MACO1: variants seen among roughly 807,000 people sequenced by gnomAD.
The protein encoded by MACO1 is macoilin.
A neutral mutation model predicts 78.7 loss-of-function variants in MACO1; 14 were observed. The observed-to-expected ratio is 0.18, with a 90% CI of 0.12 to 0.28. The LOEUF (loss-of-function observed/expected upper bound fraction) is 0.28, where lower values mean the gene tolerates loss of function less well. Ranked by LOEUF, MACO1 falls within the 10% of genes least tolerant of loss-of-function variation. MACO1 has a pLI of 1.00. For synonymous variants in MACO1, 288 were observed against 291.6 expected, an observed-to-expected ratio of 0.99 and a Z score of 0.12; for missense variants, 501 against 799.0, an observed-to-expected ratio of 0.63 and a Z score of 4.50.
intron 5 of MACO1, 31 bp downstream of exon 5, chr1:25,456,862 A>G (rs1225169713): frequency 1.3e-6 from 2 of 1,556,362 alleles, no homozygotes; most frequent in Non-Finnish European, 1.7e-6. Context: ...TGTTGGCTCA[A>G]TAGGCTAGTC....
intron 1 of MACO1, among the ~76,000 whole-genome samples, chr1:25,441,881 T>C (rs940372865): frequency 6.6e-6 from 1 of 152,236 alleles, no homozygotes; most frequent in African/African-American, 2.4e-5. Flanking sequence ...ACAGTTTGAA[T>C]GTTCCCAGTT....
At chr1:25,469,381 T>G (rs1332937684) in intron 6 of MACO1, among the ~76,000 whole-genome samples, 2 of 152,202 alleles carry the variant, frequency 1.3e-5, no homozygotes, top group African/African-American at 2.4e-5. Context: ...TGCCCTTCAT[T>G]GTACTTTCTA....
At chr1:25,473,269 A>G (rs1238381001) in intron 6 of MACO1, among the ~76,000 whole-genome samples, 1 of 152,204 alleles carries the variant, frequency 6.6e-6, no homozygotes. Context: ...ATTCTGGGAT[A>G]TAAATGTGGT....
chr1:25,446,993 G>A, intron 2 of MACO1, 90 bp downstream of exon 2: 1 of 1,455,636 alleles, frequency 6.9e-7, no homozygotes, highest in Non-Finnish European at 9.1e-7. Flanking sequence ...AACTATGTTA[G>A]GATTAGCTAA....
Position 25,498,777 on chromosome 1 carries a change from G to GAA in MACO1, c.*319_*320dup. The GAA allele has an allele frequency of 7.9e-6, 2 of 254,082 alleles. No individual in the cohort carries two copies. The highest frequency in any genetic ancestry group is 5.2e-5 in the Admixed American group (1 of 19,262). The allele number at this position is 254,082 out of a possible 1,614,324, so 15.7% of individuals were successfully genotyped here. On this transcript the variant is annotated 3_prime_UTR_variant, in exon 11 of 11. Transcript: ENST00000374343. ...TATTCTTACATAGTTTCCTCTTGAA[G>GAA]AAAAAAAAAGCAGAGTTTTTGTTTT...
intron 6 of MACO1, among the ~76,000 whole-genome samples, chr1:25,483,632 CG>C (rs1187148130): frequency 1.3e-5 from 2 of 152,168 alleles, no homozygotes; most frequent in African/African-American, 4.8e-5. Context: ...TTCTGGAGGT[CG>C]TCGCAGACCG....
At chr1:25,438,629 C>T (rs1342470558) in intron 1 of MACO1, among the ~76,000 whole-genome samples, 1 of 152,096 alleles carries the variant, frequency 6.6e-6, no homozygotes, top group African/African-American at 2.4e-5. Flanking sequence ...ATGACTGGGC[C>T]CCGTGGCTCA....
At chr1:25,462,688 C>T (rs2043181942) in intron 6 of MACO1, among the ~76,000 whole-genome samples, 1 of 136,888 alleles carries the variant, frequency 7.3e-6, no homozygotes, top group Non-Finnish European at 1.6e-5. Flanking sequence ...AATTCAGTGA[C>T]TTTTGGGGGG....
chr1:25,477,772 C>T (rs1190315488), intron 6 of MACO1, among the ~76,000 whole-genome samples: 1 of 152,166 alleles, frequency 6.6e-6, no homozygotes. Context: ...GGCTTAAAAC[C>T]ATGAAGTTAT....
At chr1:25,492,473 G>A (rs1433051037) in intron 10 of MACO1, among the ~76,000 whole-genome samples, 1 of 152,074 alleles carries the variant, frequency 6.6e-6, no homozygotes, top group East Asian at 1.9e-4. Context: ...AGAGCTGGAG[G>A]AAAGCACTTC....
intron 10 of MACO1, among the ~76,000 whole-genome samples, chr1:25,491,941 G>T (rs1346175856): frequency 6.6e-6 from 1 of 152,190 alleles, no homozygotes; most frequent in African/African-American, 2.4e-5. Context: ...AACTAGTCTG[G>T]GGAATTGGAG....
chr1:25,450,001 A>G (rs1424918877), intron 3 of MACO1, among the ~76,000 whole-genome samples: 1 of 152,248 alleles, frequency 6.6e-6, no homozygotes, highest in Non-Finnish European at 1.5e-5. Context: ...CCTGGGTGAC[A>G]GAGCGAGACT....
intron 6 of MACO1, among the ~76,000 whole-genome samples, chr1:25,473,394 C>T (rs1031075604): frequency 2.0e-5 from 3 of 151,998 alleles, no homozygotes; most frequent in African/African-American, 4.8e-5. Context: ...GTCTCCATAT[C>T]TAAGAGGCCA....
At chr1:25,496,751 C>A (rs1051131296) in intron 10 of MACO1, among the ~76,000 whole-genome samples, 7 of 150,638 alleles carry the variant, frequency 4.6e-5, no homozygotes, top group Non-Finnish European at 1.5e-5. Flanking sequence ...ACTCATGGTC[C>A]AGCAGAGAGA....
chr1:25,480,068 G>T (rs1209014272), intron 6 of MACO1, among the ~76,000 whole-genome samples: 1 of 151,864 alleles, frequency 6.6e-6, no homozygotes, highest in Non-Finnish European at 1.5e-5. Context: ...ACTGTGACTG[G>T]GTATCAAAAA....
chr1:25,482,407 C>T (rs2043387259), intron 6 of MACO1, among the ~76,000 whole-genome samples: 1 of 152,200 alleles, frequency 6.6e-6, no homozygotes. Flanking sequence ...CTCCACAGTC[C>T]TATCTACCAG....
At chr1:25,432,056 T>C (rs961075559) in intron 1 of MACO1, among the ~76,000 whole-genome samples, 8 of 152,230 alleles carry the variant, frequency 5.3e-5, no homozygotes, top group Admixed American at 4.6e-4. Context: ...ACGACTGTTA[T>C]TTTCTGGTTC....
At position 25,491,591 on chromosome 1, in the gene MACO1, G is replaced by A; in HGVS notation, c.1792+7G>A. On this transcript the variant is annotated splice_region_variant and intron_variant, in intron 10 of 10. Transcript: ENST00000374343. ...CAGCTCGAGATTGCCCAAGGTAGGA[G>A]AACGTGGGCCCCTGGTGAGGTGGTG... The A allele has an allele frequency of 6.2e-7, 1 of 1,613,360 alleles. No homozygotes were observed. The highest frequency in any genetic ancestry group is 8.5e-7 in the Non-Finnish European group (1 of 1,179,366).
chr1:25,475,680 G>A (rs2043316037), intron 6 of MACO1, among the ~76,000 whole-genome samples: 1 of 152,148 alleles, frequency 6.6e-6, no homozygotes, highest in South Asian at 2.1e-4. Flanking sequence ...AGAATGGGGA[G>A]CAGGTTAGTA....
Sources: allele counts gnomAD v4.1 joint callset (sites outside exome capture counted in the v4.1 genomes callset), GRCh38; gene constraint gnomAD v4.1.1; transcripts MANE v1.5; gene names NCBI Gene and HGNC (gene_info 2026-07-23, HGNC 2026-07-21).